The following CNTN5 variants were observed in gnomAD, a reference collection of about 807,000 sequenced individuals.
The protein encoded by CNTN5 is contactin-5.
Under a neutral mutation model 129.1 loss-of-function variants are expected in CNTN5, and 77 were observed. The ratio of observed to expected loss-of-function variants is 0.60; its 90% CI spans 0.50 to 0.72. The LOEUF (loss-of-function observed/expected upper bound fraction) is 0.72, where lower values mean the gene tolerates loss of function less well. Ranked by LOEUF, CNTN5 falls within the 30% of genes least tolerant of loss-of-function variation. The pLI is 0.00. For missense variants in CNTN5, 1,478 were observed against 1,328.8 expected, an observed-to-expected ratio of 1.11 and a Z score of -1.75; for synonymous variants, 509 against 465.6, an observed-to-expected ratio of 1.09 and a Z score of -1.20.
At chr11:99,314,771 A>T (rs1298958681) in intron 1 of CNTN5, among the ~76,000 whole-genome samples, 1 of 129,062 alleles carries the variant, frequency 7.7e-6, no homozygotes, top group African/African-American at 2.6e-5. Context: ...GAGGATGGGG[A>T]GGAGGTGCAC....
chr11:100,126,716 G>A (rs1946195287), intron 13 of CNTN5, among the ~76,000 whole-genome samples: 1 of 152,160 alleles, frequency 6.6e-6, no homozygotes, highest in Admixed American at 6.5e-5. Flanking sequence ...GGAAAAATGG[G>A]TCTTGTTTTT....
chr11:100,114,862 C>T (rs1223688009), intron 13 of CNTN5, among the ~76,000 whole-genome samples: 2 of 152,002 alleles, frequency 1.3e-5, no homozygotes, highest in Non-Finnish European at 2.9e-5. Context: ...TCATTTAATA[C>T]TCTCAAATGT....
intron 9 of CNTN5, among the ~76,000 whole-genome samples, chr11:100,020,234 C>G (rs1941057037): frequency 6.6e-6 from 1 of 151,974 alleles, no homozygotes; most frequent in Admixed American, 6.6e-5. Context: ...GCTTTTTCCT[C>G]TGTTTTCTTT....
intron 13 of CNTN5, among the ~76,000 whole-genome samples, chr11:100,148,284 C>A (rs1187579893): frequency 2.0e-5 from 3 of 152,076 alleles, no homozygotes; most frequent in Non-Finnish European, 4.4e-5. Context: ...TCTCAGCCCC[C>A]AAATCAGTAT....
At chr11:100,064,451 T>A (rs777094236) in intron 10 of CNTN5, among the ~76,000 whole-genome samples, 4 of 152,100 alleles carry the variant, frequency 2.6e-5, no homozygotes, top group Non-Finnish European at 4.4e-5. Flanking sequence ...TCCATGGTAG[T>A]TAAATTAAAG....
At chr11:99,807,320 G>C (rs546175860) in intron 3 of CNTN5, among the ~76,000 whole-genome samples, 52 of 152,224 alleles carry the variant, frequency 3.4e-4, no homozygotes, top group Middle Eastern at 6.8e-3. Context: ...CTGCTTCTCT[G>C]ATATTCCTAG....
chr11:100,183,074 T>G (rs12278472), intron 13 of CNTN5, among the ~76,000 whole-genome samples: 3,781 of 152,220 alleles, frequency 0.025, 112 homozygotes, highest in African/African-American at 0.072. Flanking sequence ...TTCTACTACC[T>G]ACTTGTTATG....
At chr11:99,461,896 ATG>A (rs1470576260) in intron 2 of CNTN5, among the ~76,000 whole-genome samples, 10 of 152,180 alleles carry the variant, frequency 6.6e-5, no homozygotes, top group African/African-American at 2.4e-4. Flanking sequence ...CATAAAGTAA[ATG>A]TGTTTTCTTC....
At chr11:99,368,988 T>G (rs563674426) in intron 2 of CNTN5, among the ~76,000 whole-genome samples, 76 of 151,890 alleles carry the variant, frequency 5.0e-4, no homozygotes, top group Middle Eastern at 3.4e-3. Context: ...GGCAAAAGTT[T>G]TTGTCTAAGA....
At position 99,843,531 on chromosome 11, in the gene CNTN5, A is replaced by G. The variant is rs370912052; in HGVS notation, c.278-1321A>G. 4.6e-5 allele frequency among the ~76,000 whole-genome samples: 7 copies of G among 152,322 alleles called. No homozygotes were observed. The South Asian group carries it at 1.0e-3, about 23-fold the overall frequency. On this transcript the variant is annotated intron_variant, in intron 4 of 24. Transcript: ENST00000524871. ...TTTCTTGTGATTATCTGCAAAAGATATAAACTTCTGTTTAATACATATATT... is the reference window on the plus strand; with the variant it reads ...TTTCTTGTGATTATCTGCAAAAGATGTAAACTTCTGTTTAATACATATATT...
At chr11:99,578,259 T>C (rs1229678272) in intron 3 of CNTN5, among the ~76,000 whole-genome samples, 34 of 152,054 alleles carry the variant, frequency 2.2e-4, no homozygotes, top group Non-Finnish European at 1.5e-5. Context: ...TCCAAGTCTT[T>C]GCTATTGTGA....
intron 9 of CNTN5, among the ~76,000 whole-genome samples, chr11:100,052,020 A>G (rs1165558838): frequency 2.0e-5 from 3 of 151,948 alleles, no homozygotes; most frequent in Non-Finnish European, 4.4e-5. Context: ...GTAAAGAAGA[A>G]ATTATATAAC....
At chr11:99,364,859 G>T (rs902659743) in intron 2 of CNTN5, among the ~76,000 whole-genome samples, 2 of 152,052 alleles carry the variant, frequency 1.3e-5, no homozygotes, top group African/African-American at 4.8e-5. Flanking sequence ...CCTCCTAAAA[G>T]ATCCACAGGT....
chr11:99,911,541 A>G (rs1170541833), intron 6 of CNTN5, among the ~76,000 whole-genome samples: 3 of 151,964 alleles, frequency 2.0e-5, no homozygotes, highest in East Asian at 3.9e-4. Context: ...AAGCTATTAT[A>G]TTTAACATAC....
chr11:99,883,856 A>G (rs1028740083), intron 6 of CNTN5, among the ~76,000 whole-genome samples: 10 of 152,216 alleles, frequency 6.6e-5, no homozygotes, highest in Non-Finnish European at 1.2e-4. Flanking sequence ...ATCAAAAACA[A>G]AGCAAGTCCT....
intron 2 of CNTN5, among the ~76,000 whole-genome samples, chr11:99,520,076 C>T (rs937547547): frequency 6.6e-6 from 1 of 152,082 alleles, no homozygotes; most frequent in African/African-American, 2.4e-5. Flanking sequence ...ATTTTACGCT[C>T]ACCCTGGCTT....
chr11:99,095,998 C>CA (rs1205361062), intron 1 of CNTN5, among the ~76,000 whole-genome samples: 2 of 151,728 alleles, frequency 1.3e-5, no homozygotes, highest in Non-Finnish European at 3.0e-5. Flanking sequence ...CAATTTTATT[C>CA]AAACAGCATC....
At chr11:100,128,509 T>C (rs1309123385) in intron 13 of CNTN5, among the ~76,000 whole-genome samples, 1 of 152,136 alleles carries the variant, frequency 6.6e-6, no homozygotes, top group African/African-American at 2.4e-5. Flanking sequence ...AATCAACTGA[T>C]ATTAAACTAG....
chr11:100,042,433 T>C (rs1942436204), intron 9 of CNTN5, among the ~76,000 whole-genome samples: 1 of 152,180 alleles, frequency 6.6e-6, no homozygotes, highest in Non-Finnish European at 1.5e-5. Context: ...ACATCAGATG[T>C]AAAATTCATA....
Sources: allele counts gnomAD v4.1 joint callset (sites outside exome capture counted in the v4.1 genomes callset), GRCh38; gene constraint gnomAD v4.1.1; transcripts MANE v1.5; gene names NCBI Gene and HGNC (gene_info 2026-07-23, HGNC 2026-07-21).